GLT1D1: variants seen among roughly 807,000 people sequenced by gnomAD.
The protein encoded by GLT1D1 is glycosyltransferase 1 domain-containing protein 1.
A neutral mutation model predicts 28.7 loss-of-function variants in GLT1D1; 21 were observed. The ratio of observed to expected loss-of-function variants is 0.73; its 90% CI spans 0.52 to 1.05. GLT1D1 has a LOEUF of 1.05. Among genes scored for constraint, GLT1D1 ranks in the 50% least tolerant of loss-of-function variants. GLT1D1 has a pLI of 0.00. For synonymous variants in GLT1D1, 147 were observed against 124.8 expected, an observed-to-expected ratio of 1.18 and a Z score of -1.19; for missense variants, 343 against 330.6, an observed-to-expected ratio of 1.04 and a Z score of -0.29.
At chr12:128,939,681 A>T (rs1874925527) in intron 4 of GLT1D1, among the ~76,000 whole-genome samples, 1 of 152,158 alleles carries the variant, frequency 6.6e-6, no homozygotes, top group Non-Finnish European at 1.5e-5. Flanking sequence ...GAAACTTTCA[A>T]TCACAGTGGA....
At chr12:128,948,439 G>T (rs1405596677) in intron 6 of GLT1D1, among the ~76,000 whole-genome samples, 1 of 152,114 alleles carries the variant, frequency 6.6e-6, no homozygotes, top group Non-Finnish European at 1.5e-5. Context: ...AAGCACCCAG[G>T]ACCACAAGCC....
intron 2 of GLT1D1, among the ~76,000 whole-genome samples, chr12:128,885,365 G>C (rs575752731): frequency 6.6e-6 from 1 of 152,068 alleles, no homozygotes; most frequent in Non-Finnish European, 1.5e-5. Context: ...TGGGATTAAA[G>C]GCATGTGCTA....
chr12:128,964,082 G>A (rs1878223911), intron 7 of GLT1D1, among the ~76,000 whole-genome samples: 1 of 152,146 alleles, frequency 6.6e-6, no homozygotes, highest in African/African-American at 2.4e-5. Context: ...AGCTCTCTGG[G>A]GTCCCTTTTA....
chr12:128,939,002 C>T (rs1288742637), intron 4 of GLT1D1, among the ~76,000 whole-genome samples: 1 of 151,962 alleles, frequency 6.6e-6, no homozygotes, highest in Non-Finnish European at 1.5e-5. Flanking sequence ...GAAACAGCAC[C>T]CTAGGAAGGT....
rs373144594 is a variant in GLT1D1 at position 128,982,661 on chromosome 12, TC to T, written c.640-265del. 7.8e-3 allele frequency among the ~76,000 whole-genome samples: 1,188 copies of T among 152,226 alleles called. 7 individuals are homozygous for T. The highest frequency in any genetic ancestry group is 0.041 in the Middle Eastern group (12 of 294). Reference sequence around the variant, plus strand: ...GCTCCAGTATTTTTCGTGATGTTCATCCCAGCATATGTGTGCGTGTGTGTGC... The same window carrying T: ...GCTCCAGTATTTTTCGTGATGTTCATCCAGCATATGTGTGCGTGTGTGTGC... On this transcript the variant is annotated intron_variant, in intron 7 of 7. Transcript: ENST00000281703.
At chr12:128,877,526 AC>A (rs1197677347) in intron 2 of GLT1D1, among the ~76,000 whole-genome samples, 2 of 152,140 alleles carry the variant, frequency 1.3e-5, no homozygotes, top group African/African-American at 2.4e-5. Context: ...GGCACATCTT[AC>A]TATGTGTTCT....
intron 4 of GLT1D1, among the ~76,000 whole-genome samples, chr12:128,901,249 T>G (rs980288340): frequency 2.0e-4 from 31 of 152,132 alleles, no homozygotes; most frequent in Non-Finnish European, 4.0e-4. Context: ...AAATACAAAT[T>G]ACTAGCTTTT....
chr12:128,922,781 G>A (rs2135908305), intron 4 of GLT1D1, among the ~76,000 whole-genome samples: 1 of 152,098 alleles, frequency 6.6e-6, no homozygotes, highest in South Asian at 2.1e-4. Context: ...AAAAGAGCCG[G>A]GCATGATGGC....
In GLT1D1 at chr12:128,912,411, C is replaced by G. The variant is rs1371976841; in HGVS notation, c.375+13124C>G. ...AATGTACTTTTCTTTTCTCTCTCCCCTCCTTTCAAAAGCCGCATGCTAAGG... is the reference window on the plus strand; with the variant it reads ...AATGTACTTTTCTTTTCTCTCTCCCGTCCTTTCAAAAGCCGCATGCTAAGG... On this transcript the variant is annotated intron_variant, in intron 4 of 7. Transcript: ENST00000281703. 6.6e-7 allele frequency: 1 copy of G among 1,518,660 alleles called. No homozygotes were observed. Among genetic ancestry groups the G allele is most frequent in the East Asian group, 2.5e-5 (1 of 40,780 alleles). 94.1% of individuals were successfully genotyped at this position (1,518,660 alleles called of 1,614,324 possible). A position where few individuals can be genotyped will look rare whatever the true frequency, so the allele number is the denominator to read the frequency against.
At chr12:128,938,811 G>T (rs975421600) in intron 4 of GLT1D1, among the ~76,000 whole-genome samples, 3 of 152,274 alleles carry the variant, frequency 2.0e-5, no homozygotes, top group Admixed American at 6.5e-5. Context: ...TAAATGCTTA[G>T]AATTTTGTGT....
At chr12:128,931,714 G>T (rs1873912740) in intron 4 of GLT1D1, among the ~76,000 whole-genome samples, 1 of 152,112 alleles carries the variant, frequency 6.6e-6, no homozygotes, top group Non-Finnish European at 1.5e-5. Context: ...CCCTCCTAAA[G>T]TGTCTGTTAG....
intron 7 of GLT1D1, among the ~76,000 whole-genome samples, chr12:128,959,212 C>T (rs1269345261): frequency 2.0e-5 from 3 of 151,438 alleles, no homozygotes; most frequent in African/African-American, 7.3e-5. Context: ...TTCCAAAATC[C>T]AGAAAGTTAT....
At chr12:128,930,407 T>C (rs912028390) in intron 4 of GLT1D1, 3 of 152,226 alleles carry the variant, frequency 2.0e-5, no homozygotes, top group Non-Finnish European at 4.4e-5. Flanking sequence ...CAGTGCTTGA[T>C]ACCAGCTTTC....
At chr12:128,945,935 G>C (rs774526787) in intron 5 of GLT1D1, among the ~76,000 whole-genome samples, 3 of 152,178 alleles carry the variant, frequency 2.0e-5, no homozygotes, top group Non-Finnish European at 4.4e-5. Flanking sequence ...TGGGGTGATG[G>C]GAATGAGCAG....
chr12:128,861,142 C>T (rs902629496), intron 1 of GLT1D1, among the ~76,000 whole-genome samples: 2 of 152,140 alleles, frequency 1.3e-5, no homozygotes, highest in Non-Finnish European at 2.9e-5. Context: ...CTTCTAAAAC[C>T]AGGGCGACAA....
intron 4 of GLT1D1, among the ~76,000 whole-genome samples, chr12:128,918,345 G>A (rs1369083818): frequency 6.6e-6 from 1 of 152,142 alleles, no homozygotes; most frequent in Non-Finnish European, 1.5e-5. Flanking sequence ...GAGAGCATCA[G>A]GAAAAATAGC....
intron 2 of GLT1D1, among the ~76,000 whole-genome samples, chr12:128,885,122 T>C (rs1387343205): frequency 2.0e-5 from 3 of 152,090 alleles, no homozygotes; most frequent in Non-Finnish European, 4.4e-5. Context: ...ACACCATATA[T>C]ATATACAATA....
intron 5 of GLT1D1, 125 bp downstream of exon 9, chr12:128,945,494 C>T (rs1193630766): frequency 2.4e-6 from 2 of 831,966 alleles, no homozygotes; most frequent in Middle Eastern, 2.2e-4. Flanking sequence ...TTTCCTCATG[C>T]ATCTTCCCGG....
intron 4 of GLT1D1, among the ~76,000 whole-genome samples, chr12:128,909,413 A>G (rs1323787655): frequency 6.6e-6 from 1 of 151,930 alleles, no homozygotes; most frequent in Non-Finnish European, 1.5e-5. Flanking sequence ...AAAGTGCCCA[A>G]TTTCTTTGTG....
Sources: allele counts gnomAD v4.1 joint callset (sites outside exome capture counted in the v4.1 genomes callset), GRCh38; gene constraint gnomAD v4.1.1; transcripts MANE v1.5; gene names NCBI Gene and HGNC (gene_info 2026-07-23, HGNC 2026-07-21).